TMEM232: variants seen among roughly 807,000 people sequenced by gnomAD.
The protein encoded by TMEM232 is transmembrane protein 232.
Under a neutral mutation model 78.8 loss-of-function variants are expected in TMEM232, and 80 were observed. The observed-to-expected ratio is 1.01, with a 90% confidence interval of 0.85 to 1.22. The LOEUF is 1.22. Ranked by LOEUF, TMEM232 falls within the 50% of genes most tolerant of loss-of-function variation. TMEM232 has a pLI of 0.00. For synonymous variants in TMEM232, 297 were observed against 254.3 expected (o/e 1.17, Z -1.60); for missense variants, 881 against 742.2 (o/e 1.19, Z -2.17).
chr5:110,420,991 A>T (rs1480192633), intron 13 of TMEM232, among the ~76,000 whole-genome samples: 5 of 151,876 alleles, frequency 3.3e-5, no homozygotes, highest in African/African-American at 1.2e-4. Context: ...AAAAAAAACA[A>T]TAAAAAAGAA....
chr5:110,626,707 C>T (rs1261141509), intron 6 of TMEM232, among the ~76,000 whole-genome samples: 1 of 151,992 alleles, frequency 6.6e-6, no homozygotes, highest in Non-Finnish European at 1.5e-5. Context: ...TGTTTACCTC[C>T]AATCTGAATT....
At chr5:110,705,327 G>C (rs77089652) in intron 1 of TMEM232, among the ~76,000 whole-genome samples, 3,594 of 152,144 alleles carry the variant, frequency 0.024, 129 homozygotes, top group African/African-American at 0.081. Context: ...GGACAAGTTG[G>C]GAATGTATTT....
At chr5:110,538,771 G>A (rs1772726528) in intron 11 of TMEM232, among the ~76,000 whole-genome samples, 1 of 151,822 alleles carries the variant, frequency 6.6e-6, no homozygotes, top group African/African-American at 2.4e-5. Flanking sequence ...TACTACTGAG[G>A]AGCCCCAGGT....
chr5:110,516,236 C>A (rs1353841678), intron 12 of TMEM232, among the ~76,000 whole-genome samples: 1 of 152,080 alleles, frequency 6.6e-6, no homozygotes, highest in Non-Finnish European at 1.5e-5. Flanking sequence ...AAGACTCTGT[C>A]CCCCGCAGCC....
At chr5:110,712,120 A>T (rs932738029) in intron 1 of TMEM232, among the ~76,000 whole-genome samples, 5 of 151,406 alleles carry the variant, frequency 3.3e-5, no homozygotes, top group African/African-American at 1.2e-4. Context: ...AAAAAAAAAA[A>T]AAAAAAAAAT....
intron 12 of TMEM232, among the ~76,000 whole-genome samples, chr5:110,429,169 C>G (rs957702263): frequency 2.6e-5 from 4 of 151,670 alleles, no homozygotes; most frequent in Admixed American, 2.0e-4. Context: ...CACGGTATAC[C>G]GGGAAAATGG....
intron 2 of TMEM232, among the ~76,000 whole-genome samples, chr5:110,653,748 C>T (rs886132226): frequency 2.0e-5 from 3 of 152,012 alleles, no homozygotes; most frequent in East Asian, 1.9e-4. Context: ...GATAATTGGA[C>T]GGGAGGAATC....
intron 2 of TMEM232, among the ~76,000 whole-genome samples, chr5:110,649,229 G>C (rs928523750): frequency 6.6e-6 from 1 of 152,006 alleles, no homozygotes; most frequent in African/African-American, 2.4e-5. Context: ...ATTTGGGAGA[G>C]TAAAAACAGT....
At chr5:110,449,887 CATTT>C (rs943221638) in intron 12 of TMEM232, among the ~76,000 whole-genome samples, 34 of 152,038 alleles carry the variant, frequency 2.2e-4, no homozygotes, top group Non-Finnish European at 4.3e-4. Flanking sequence ...ACATCTCTGA[CATTT>C]ATTTATTTAT....
At chr5:110,718,385 A>G (rs1797237635) in intron 1 of TMEM232, among the ~76,000 whole-genome samples, 1 of 152,118 alleles carries the variant, frequency 6.6e-6, no homozygotes, top group Non-Finnish European at 1.5e-5. Context: ...TATATTGATG[A>G]GAAGCATTTC....
chr5:110,546,537 A>G (rs1410752600), intron 11 of TMEM232, among the ~76,000 whole-genome samples: 1 of 152,138 alleles, frequency 6.6e-6, no homozygotes, highest in African/African-American at 2.4e-5. Flanking sequence ...TAATAATATT[A>G]TTGTATAACA....
chr5:110,723,525 C>G lies in TMEM232; in HGVS notation c.-13+3102G>C, dbSNP rs146064550. On this transcript the variant is annotated intron_variant, in intron 1 of 13. Coordinates refer to ENST00000455884, the MANE Select transcript of TMEM232 (RefSeq NM_001039763.4). Reference sequence around the variant, plus strand: ...GGTACCATTATGTTTAAATTAGACTCTAAATGAGTATCCTGAAAATCTCAA... The same window carrying G: ...GGTACCATTATGTTTAAATTAGACTGTAAATGAGTATCCTGAAAATCTCAA... 6.4e-3 allele frequency among the ~76,000 whole-genome samples: 969 copies of G among 152,230 alleles called. 6 individuals carry two copies. Among genetic ancestry groups the G allele is most frequent in the Non-Finnish European group, 8.6e-3 (584 of 68,010 alleles).
intron 2 of TMEM232, among the ~76,000 whole-genome samples, chr5:110,661,239 G>T (rs1789747413): frequency 6.6e-6 from 1 of 152,068 alleles, no homozygotes; most frequent in Non-Finnish European, 1.5e-5. Flanking sequence ...ATCATGCATG[G>T]ACACTTAGAT....
At chr5:110,463,309 T>A (rs1456520777) in intron 12 of TMEM232, among the ~76,000 whole-genome samples, 1 of 152,220 alleles carries the variant, frequency 6.6e-6, no homozygotes, top group Non-Finnish European at 1.5e-5. Flanking sequence ...TTTTAACAAC[T>A]AAATATCTTC....
At position 110,419,852 on chromosome 5, in the gene TMEM232, A is replaced by G. The variant is rs1468274817; in HGVS notation, c.*728T>C. ...CTTACTCATAGGTTCAGAACTTCAGATGAAGTGAAGTTCCATTTCTAAAAT... is the reference window on the plus strand; with the variant it reads ...CTTACTCATAGGTTCAGAACTTCAGGTGAAGTGAAGTTCCATTTCTAAAAT... On this transcript the variant is annotated 3_prime_UTR_variant, in exon 14 of 14. Transcript: ENST00000455884. Among the ~76,000 whole-genome samples, 3 of 152,174 alleles carry G rather than the reference A, an allele frequency of 2.0e-5. No individual in the cohort carries two copies. Among genetic ancestry groups the G allele is most frequent in the South Asian group, 2.1e-4 (1 of 4,834 alleles).
chr5:110,388,326 C>T (rs73217153), intron 4 of TMEM232, among the ~76,000 whole-genome samples: 8,883 of 151,782 alleles, frequency 0.059, 601 homozygotes, highest in African/African-American at 0.16. Flanking sequence ...ACGCGGCTGG[C>T]AAAAAAGAGA....
At chr5:110,541,393 A>G (rs1426336668) in intron 11 of TMEM232, among the ~76,000 whole-genome samples, 1 of 152,174 alleles carries the variant, frequency 6.6e-6, no homozygotes, top group Non-Finnish European at 1.5e-5. Flanking sequence ...GTGCTAATAG[A>G]TAACTTTACT....
intron 2 of TMEM232, among the ~76,000 whole-genome samples, chr5:110,655,937 A>G (rs1323284513): frequency 1.3e-5 from 2 of 148,542 alleles, no homozygotes; most frequent in African/African-American, 2.5e-5. Flanking sequence ...GGATAGCATT[A>G]GGAGATATAC....
At chr5:110,406,378 T>C (rs2112576012) in intron 2 of TMEM232, among the ~76,000 whole-genome samples, 1 of 152,098 alleles carries the variant, frequency 6.6e-6, no homozygotes, top group Middle Eastern at 3.4e-3. Flanking sequence ...TCTGTATCTT[T>C]GCTATTGTGA....
Sources: allele counts gnomAD v4.1 joint callset (sites outside exome capture counted in the v4.1 genomes callset), GRCh38; gene constraint gnomAD v4.1.1; transcripts MANE v1.5; gene names NCBI Gene and HGNC (gene_info 2026-07-23, HGNC 2026-07-21).